Variants in RAB38 observed in about 807,000 individuals in gnomAD.
The protein encoded by RAB38 is ras-related protein Rab-38.
In RAB38, 15 loss-of-function variants were observed where a neutral mutation model predicts 18.4. That is an observed-to-expected ratio of 0.82 (90% CI 0.55 to 1.26). The LOEUF (loss-of-function observed/expected upper bound fraction) is 1.26, where lower values mean the gene tolerates loss of function less well. Ranked by LOEUF, RAB38 falls within the 50% of genes most tolerant of loss-of-function variation. The pLI is 0.00. For synonymous variants in RAB38, 101 were observed against 104.4 expected (o/e 0.97, Z 0.20); for missense variants, 294 against 267.4 (o/e 1.10, Z -0.69).
the RAB38 span, among the ~76,000 whole-genome samples, chr11:88,041,666 G>A: frequency 6.6e-6 from 1 of 152,188 alleles, no homozygotes; most frequent in Non-Finnish European, 1.5e-5. Context: ...CCGTGAAATT[G>A]AGAAAAATTT....
the RAB38 span, among the ~76,000 whole-genome samples, chr11:87,946,204 A>G: frequency 6.6e-6 from 1 of 152,148 alleles, no homozygotes; most frequent in Non-Finnish European, 1.5e-5. Context: ...CTGCCACTTG[A>G]AGGCTGAGAC....
the RAB38 span, among the ~76,000 whole-genome samples, chr11:87,911,530 G>A: frequency 6.6e-6 from 1 of 151,860 alleles, no homozygotes; most frequent in Admixed American, 6.6e-5. Flanking sequence ...TGATGGTTCT[G>A]ATTCTTTATT....
chr11:88,144,044 G>A (rs1207832861), intron 2 of RAB38, among the ~76,000 whole-genome samples: 4 of 152,116 alleles, frequency 2.6e-5, no homozygotes, highest in African/African-American at 9.7e-5. Context: ...TCTTCATGTA[G>A]GGCATCAATA....
intron 2 of RAB38, among the ~76,000 whole-genome samples, chr11:88,141,680 T>C (rs774238167): frequency 1.3e-5 from 2 of 152,220 alleles, no homozygotes; most frequent in Non-Finnish European, 2.9e-5. Flanking sequence ...TGGTTTGACA[T>C]ACCGCAAAGC....
chr11:88,036,663 T>C, the RAB38 span, among the ~76,000 whole-genome samples: 3 of 152,072 alleles, frequency 2.0e-5, no homozygotes, highest in Admixed American at 6.6e-5. Flanking sequence ...TCAATCAACA[T>C]AGAGGTAGGG....
chr11:87,850,365 A>C, the RAB38 span, among the ~76,000 whole-genome samples: 11 of 152,070 alleles, frequency 7.2e-5, no homozygotes, highest in Admixed American at 2.6e-4. Context: ...TTTGAAAACT[A>C]ATCTTTCACT....
intron 2 of RAB38, among the ~76,000 whole-genome samples, chr11:88,135,143 C>T (rs530817004): frequency 3.3e-5 from 5 of 152,238 alleles, no homozygotes; most frequent in East Asian, 3.9e-4. Context: ...AAACCTTCCC[C>T]GGTCACCCTG....
At chr11:87,954,459 A>C in the RAB38 span, among the ~76,000 whole-genome samples, 1 of 152,166 alleles carries the variant, frequency 6.6e-6, no homozygotes, top group Non-Finnish European at 1.5e-5. Flanking sequence ...CTGTGTTGTC[A>C]CAGAAAGATA....
the RAB38 span, chr11:87,817,163 T>C: frequency 6.6e-6 from 1 of 152,172 alleles, no homozygotes; most frequent in African/African-American, 2.4e-5. Flanking sequence ...CAGAGCTTCC[T>C]GGAACTGCTA....
chr11:88,096,993 A>ACCTG, the RAB38 span, among the ~76,000 whole-genome samples: 44 of 151,916 alleles, frequency 2.9e-4, no homozygotes, highest in African/African-American at 9.9e-4. Flanking sequence ...GGACACTTCT[A>ACCTG]CCTGTGAACA....
the RAB38 span, among the ~76,000 whole-genome samples, chr11:88,051,089 C>T: frequency 1.3e-5 from 2 of 152,124 alleles, no homozygotes; most frequent in Non-Finnish European, 2.9e-5. Context: ...TTTAAAATAT[C>T]GCATTAAAAT....
intron 2 of RAB38, among the ~76,000 whole-genome samples, chr11:88,129,917 C>T (rs1307186436): frequency 6.6e-6 from 1 of 151,632 alleles, no homozygotes; most frequent in Non-Finnish European, 1.5e-5. Context: ...TTCTAATATT[C>T]ATATTCAAAG....
At chr11:88,129,719 C>A (rs551537196) in intron 2 of RAB38, among the ~76,000 whole-genome samples, 2 of 152,114 alleles carry the variant, frequency 1.3e-5, no homozygotes, top group South Asian at 4.2e-4. Flanking sequence ...ATTTTAAGGA[C>A]AAATATGGCT....
the RAB38 span, among the ~76,000 whole-genome samples, chr11:88,030,092 A>G: frequency 6.6e-6 from 1 of 152,126 alleles, no homozygotes; most frequent in Non-Finnish European, 1.5e-5. Context: ...AAACCACTCA[A>G]CTACATGGAA....
At chr11:88,102,309 C>T in the RAB38 span, among the ~76,000 whole-genome samples, 82 of 152,160 alleles carry the variant, frequency 5.4e-4, no homozygotes, top group Non-Finnish European at 7.8e-4. Context: ...TAGGGCAACT[C>T]ACCATTATCT....
chr11:87,877,506 A>T, the RAB38 span, among the ~76,000 whole-genome samples: 2 of 151,432 alleles, frequency 1.3e-5, no homozygotes. Context: ...TCATCCATGG[A>T]ATATGCCCTC....
At chr11:87,923,547 C>CTGTGTGTG in the RAB38 span, among the ~76,000 whole-genome samples, 1 of 146,870 alleles carries the variant, frequency 6.8e-6, no homozygotes, top group African/African-American at 2.5e-5. Flanking sequence ...TCAATTAATT[C>CTGTGTGTG]TGTGTGTGTG....
chr11:88,063,465 T>C, the RAB38 span, among the ~76,000 whole-genome samples: 1 of 152,132 alleles, frequency 6.6e-6, no homozygotes, highest in African/African-American at 2.4e-5. Flanking sequence ...AACTTCTTTT[T>C]CAGTAGGGAC....
the RAB38 span, among the ~76,000 whole-genome samples, chr11:88,016,542 A>T: frequency 6.6e-6 from 1 of 152,114 alleles, no homozygotes; most frequent in Non-Finnish European, 1.5e-5. Context: ...CTAAAGATCC[A>T]TCTTGCTTCC....
Sources: gnomAD v4.1 joint callset for allele counts (sites outside exome capture counted in the v4.1 genomes callset) on GRCh38, gnomAD v4.1.1 for gene constraint, MANE v1.5 for transcripts, NCBI Gene and HGNC (gene_info 2026-07-23, HGNC 2026-07-21) for gene names.